ZBTB7C: variants seen among roughly 807,000 people sequenced by gnomAD.
ZBTB7C encodes zinc finger and BTB domain-containing protein 7C.
Under a neutral mutation model 25.7 loss-of-function variants are expected in ZBTB7C, and 8 were observed. That is an observed-to-expected ratio of 0.31 (90% confidence interval 0.18 to 0.56). ZBTB7C has a LOEUF of 0.56. ZBTB7C is among the 20% of genes least tolerant of loss of function. ZBTB7C has a pLI of 0.91. For missense variants in ZBTB7C, 824 were observed against 855.2 expected (o/e 0.96, Z 0.46); for synonymous variants, 394 against 369.0 (o/e 1.07, Z -0.78).
chr18:48,180,060 C>T (rs923001532), intron 3 of ZBTB7C, among the ~76,000 whole-genome samples: 11 of 143,826 alleles, frequency 7.6e-5, no homozygotes, highest in African/African-American at 1.0e-4. Context: ...TCCCTCCCTC[C>T]GTACCTTCCT....
chr18:48,367,194 TATATATATACAC>T (rs1224197164), intron 1 of ZBTB7C, among the ~76,000 whole-genome samples: 4 of 53,896 alleles, frequency 7.4e-5, no homozygotes, highest in African/African-American at 2.9e-4. Context: ...TATATATATA[TATATATATACAC>T]ACACACACAC....
At chr18:48,392,069 C>T (rs1293369115) in intron 1 of ZBTB7C, among the ~76,000 whole-genome samples, 1 of 152,178 alleles carries the variant, frequency 6.6e-6, no homozygotes, top group Non-Finnish European at 1.5e-5. Context: ...CTGCCCCATT[C>T]GTTGGCTTTC....
intron 3 of ZBTB7C, among the ~76,000 whole-genome samples, chr18:48,122,411 G>A (rs1346367097): frequency 6.6e-6 from 1 of 152,090 alleles, no homozygotes; most frequent in Non-Finnish European, 1.5e-5. Flanking sequence ...AGGCACACAG[G>A]TGCTGCAGTA....
At chr18:48,104,882 G>C (rs1440852484) in intron 3 of ZBTB7C, among the ~76,000 whole-genome samples, 2 of 152,182 alleles carry the variant, frequency 1.3e-5, no homozygotes, top group Non-Finnish European at 2.9e-5. Flanking sequence ...GGGCAGGCAA[G>C]CCCTGAAGCG....
In ZBTB7C at chr18:48,349,885, T is replaced by C. The variant is rs137977738; in HGVS notation, c.-303-11487A>G. Reference sequence around the variant, plus strand: ...CAGGATGGGGACTACATTTTCTTCATTTTGTGGCCCCTGCACCTAGCACAG... The same window carrying C: ...CAGGATGGGGACTACATTTTCTTCACTTTGTGGCCCCTGCACCTAGCACAG... On this transcript the variant is annotated intron_variant, in intron 1 of 4. Transcript: ENST00000590800. Among the ~76,000 whole-genome samples, 29 of 152,270 alleles carry C rather than the reference T, an allele frequency of 1.9e-4. No individual in the cohort carries two copies. The East Asian group carries it at 5.0e-3, about 26-fold the overall frequency.
chr18:48,164,841 T>C (rs1371768311), intron 3 of ZBTB7C, among the ~76,000 whole-genome samples: 1 of 152,150 alleles, frequency 6.6e-6, no homozygotes, highest in Non-Finnish European at 1.5e-5. Context: ...TTTAGACATA[T>C]TAACTCATTT....
chr18:48,041,693 C>G (rs1028644958), intron 3 of ZBTB7C, among the ~76,000 whole-genome samples: 1 of 151,990 alleles, frequency 6.6e-6, no homozygotes, highest in Non-Finnish European at 1.5e-5. Flanking sequence ...CCTGACCTTA[C>G]TCGTTCATTG....
chr18:48,256,817 T>G (rs2044034711), intron 2 of ZBTB7C, among the ~76,000 whole-genome samples: 1 of 152,022 alleles, frequency 6.6e-6, no homozygotes, highest in Non-Finnish European at 1.5e-5. Context: ...AGATATATAT[T>G]ATAAACCTGA....
upstream of ZBTB7C, among the ~76,000 whole-genome samples, chr18:48,409,910 G>C (rs2048363919): frequency 6.6e-6 from 1 of 151,608 alleles, no homozygotes; most frequent in South Asian, 2.1e-4. Context: ...CGGCCCGGCC[G>C]GACCCGCCCG....
At chr18:48,400,285 C>G (rs895241814) in intron 1 of ZBTB7C, among the ~76,000 whole-genome samples, 1 of 152,136 alleles carries the variant, frequency 6.6e-6, no homozygotes, top group Non-Finnish European at 1.5e-5. Context: ...CAAGCTCTAC[C>G]GCCACCCTCC....
At chr18:48,295,532 C>T (rs1568359341) in intron 2 of ZBTB7C, among the ~76,000 whole-genome samples, 1 of 152,114 alleles carries the variant, frequency 6.6e-6, no homozygotes, top group Non-Finnish European at 1.5e-5. Flanking sequence ...TTCTAGGACC[C>T]AAGCCCAAGA....
intron 4 of ZBTB7C, among the ~76,000 whole-genome samples, chr18:48,033,474 T>C (rs2035845641): frequency 6.6e-6 from 1 of 152,188 alleles, no homozygotes; most frequent in Non-Finnish European, 1.5e-5. Context: ...GCCAGAAGAC[T>C]GGGGTATGCC....
chr18:48,390,523 C>T (rs1004949602), intron 1 of ZBTB7C, among the ~76,000 whole-genome samples: 25 of 152,348 alleles, frequency 1.6e-4, no homozygotes, highest in South Asian at 4.1e-4. Context: ...TGCCCAGTCA[C>T]GGTCCCAAGA....
chr18:48,243,661 A>G (rs1327688258), intron 2 of ZBTB7C, among the ~76,000 whole-genome samples: 1 of 152,218 alleles, frequency 6.6e-6, no homozygotes, highest in East Asian at 1.9e-4. Flanking sequence ...TTTTCACAGA[A>G]CTAGAAAAAA....
chr18:48,270,005 A>C (rs2044427455), intron 2 of ZBTB7C, among the ~76,000 whole-genome samples: 1 of 152,216 alleles, frequency 6.6e-6, no homozygotes, highest in Non-Finnish European at 1.5e-5. Flanking sequence ...TTGAAAATAA[A>C]GTAATGGAAA....
intron 1 of ZBTB7C, among the ~76,000 whole-genome samples, chr18:48,361,560 C>G (rs1251618645): frequency 1.3e-5 from 2 of 152,344 alleles, no homozygotes; most frequent in East Asian, 3.9e-4. Flanking sequence ...TAAATGTCCT[C>G]CTAGGTACAT....
chr18:48,058,142 A>G (rs2036989199), intron 3 of ZBTB7C, among the ~76,000 whole-genome samples: 1 of 152,228 alleles, frequency 6.6e-6, no homozygotes, highest in Non-Finnish European at 1.5e-5. Flanking sequence ...TAATCACAAT[A>G]ATGAAAATCT....
At chr18:48,072,474 T>C (rs546353348) in intron 3 of ZBTB7C, 1 of 152,334 alleles carries the variant, frequency 6.6e-6, no homozygotes, top group African/African-American at 2.4e-5. Context: ...CCCAGGTCGA[T>C]CTGCAGCCTC....
intron 3 of ZBTB7C, chr18:48,041,525 C>T: frequency 1.0e-6 from 1 of 985,444 alleles, no homozygotes; most frequent in Non-Finnish European, 1.2e-6. Flanking sequence ...GGGGCAAGGA[C>T]CTCTCAGTGC....
Sources: gnomAD v4.1 joint callset for allele counts (sites outside exome capture counted in the v4.1 genomes callset) on GRCh38, gnomAD v4.1.1 for gene constraint, MANE v1.5 for transcripts, NCBI Gene and HGNC (gene_info 2026-07-23, HGNC 2026-07-21) for gene names.